HEMK2: variants seen among roughly 807,000 people sequenced by gnomAD.
HEMK2 encodes the protein HemK methyltransferase 2, ETF1 glutamine and histone H4 lysine.
chr21:28,606,965 G>C, the HEMK2 span, among the ~76,000 whole-genome samples: 1 of 152,124 alleles, frequency 6.6e-6, no homozygotes, highest in Non-Finnish European at 1.5e-5. Flanking sequence ...CATATTTATT[G>C]AACAGCAAGA....
At chr21:28,705,733 C>G in the HEMK2 span, among the ~76,000 whole-genome samples, 2 of 152,270 alleles carry the variant, frequency 1.3e-5, no homozygotes, top group African/African-American at 2.4e-5. Context: ...AAGGTGTCTG[C>G]AGGACTGTGT....
chr21:28,769,114 T>C, the HEMK2 span, among the ~76,000 whole-genome samples: 8 of 152,056 alleles, frequency 5.3e-5, no homozygotes, highest in Admixed American at 1.3e-4. Flanking sequence ...AGAGGTCCAG[T>C]TGAATTTTAC....
the HEMK2 span, among the ~76,000 whole-genome samples, chr21:28,753,466 T>C: frequency 6.6e-6 from 1 of 151,988 alleles, no homozygotes; most frequent in African/African-American, 2.4e-5. Flanking sequence ...CCAGAATAGA[T>C]CATCTGGCAC....
chr21:28,841,308 A>AAATATATATTAT, the HEMK2 span, among the ~76,000 whole-genome samples: 1 of 7,714 alleles, frequency 1.3e-4, no homozygotes, highest in African/African-American at 1.4e-3. Flanking sequence ...TATTATATAT[A>AAATATATATTAT]ATATATAATA....
chr21:28,630,870 G>A, the HEMK2 span, among the ~76,000 whole-genome samples: 4 of 151,870 alleles, frequency 2.6e-5, no homozygotes, highest in Admixed American at 6.6e-5. Context: ...CACGGCACAT[G>A]TATACATATG....
At chr21:28,705,316 C>T in the HEMK2 span, among the ~76,000 whole-genome samples, 3 of 134,458 alleles carry the variant, frequency 2.2e-5, no homozygotes, top group Non-Finnish European at 4.6e-5. Flanking sequence ...AATTTTAAGA[C>T]TCTTTTTTAC....
chr21:28,754,403 C>A, the HEMK2 span, among the ~76,000 whole-genome samples: 1 of 152,184 alleles, frequency 6.6e-6, no homozygotes, highest in African/African-American at 2.4e-5. Flanking sequence ...GAGGGTCTGA[C>A]ATTACTCAGC....
At chr21:28,660,067 T>A in the HEMK2 span, among the ~76,000 whole-genome samples, 2 of 152,010 alleles carry the variant, frequency 1.3e-5, no homozygotes, top group African/African-American at 4.8e-5. Flanking sequence ...AGTATTTTTA[T>A]ATTATTGTTC....
chr21:28,831,462 C>CGAAAGAACGAAA, the HEMK2 span, among the ~76,000 whole-genome samples: 8 of 23,662 alleles, frequency 3.4e-4, no homozygotes, highest in South Asian at 3.5e-3. Flanking sequence ...AAGAAAAGAA[C>CGAAAGAACGAAA]GAAAGAAAGA....
the HEMK2 span, among the ~76,000 whole-genome samples, chr21:28,676,042 G>A: frequency 6.6e-5 from 10 of 152,168 alleles, no homozygotes; most frequent in African/African-American, 2.4e-4. Context: ...CTGGGCCTTC[G>A]GAGTCAGAGC....
chr21:28,869,709 C>T, the HEMK2 span, among the ~76,000 whole-genome samples: 4 of 152,186 alleles, frequency 2.6e-5, no homozygotes, highest in African/African-American at 4.8e-5. Flanking sequence ...CCTCAGTCTC[C>T]GAATGACTAA....
chr21:28,714,323 T>C, the HEMK2 span, among the ~76,000 whole-genome samples: 1 of 152,232 alleles, frequency 6.6e-6, no homozygotes, highest in African/African-American at 2.4e-5. Flanking sequence ...GCCTCTGTTC[T>C]CCTTAATTTT....
the HEMK2 span, among the ~76,000 whole-genome samples, chr21:28,831,518 AGAAAGAAG>A: frequency 6.6e-4 from 51 of 76,700 alleles, 1 homozygote; most frequent in Middle Eastern, 6.0e-3. Context: ...AAAGAAAGAA[AGAAAGAAG>A]GAAAGAAGGA....
At chr21:28,712,204 C>T in the HEMK2 span, among the ~76,000 whole-genome samples, 3 of 152,192 alleles carry the variant, frequency 2.0e-5, no homozygotes, top group African/African-American at 7.2e-5. Context: ...TTGCCCACCA[C>T]CATGATCTGG....
the HEMK2 span, chr21:28,882,852 G>C: frequency 2.1e-6 from 1 of 487,352 alleles, no homozygotes; most frequent in Non-Finnish European, 3.5e-6. Context: ...TTTTAGGGAA[G>C]CATAGTTTGT....
chr21:28,746,864 G>T, the HEMK2 span, among the ~76,000 whole-genome samples: 4 of 152,318 alleles, frequency 2.6e-5, no homozygotes, highest in East Asian at 5.8e-4. Flanking sequence ...GCCACAGCAT[G>T]GAGGGCTTGA....
the HEMK2 span, among the ~76,000 whole-genome samples, chr21:28,613,619 C>CTTTGTTTTTTTTTTTTTTTTTTT: frequency 1.2e-5 from 1 of 82,700 alleles, no homozygotes; most frequent in African/African-American, 5.2e-5. Flanking sequence ...TCTGCATATT[C>CTTTGTTTTTTTTTTTTTTTTTTT]TTTTTTTTTT....
the HEMK2 span, among the ~76,000 whole-genome samples, chr21:28,611,122 A>T: frequency 6.6e-6 from 1 of 152,336 alleles, no homozygotes; most frequent in South Asian, 2.1e-4. Context: ...CATATGGAAC[A>T]TTCCCCAAGA....
chr21:28,710,945 A>G, the HEMK2 span, among the ~76,000 whole-genome samples: 1 of 152,146 alleles, frequency 6.6e-6, no homozygotes, highest in African/African-American at 2.4e-5. Context: ...AATGCCTCCC[A>G]TATTCCATAA....
Sources: gnomAD v4.1 joint callset for allele counts (sites outside exome capture counted in the v4.1 genomes callset) on GRCh38, gnomAD v4.1.1 for gene constraint, MANE v1.5 for transcripts, NCBI Gene and HGNC (gene_info 2026-07-23, HGNC 2026-07-21) for gene names.